PDE3A: variants seen among roughly 807,000 people sequenced by gnomAD.
PDE3A encodes cGMP-inhibited 3',5'-cyclic phosphodiesterase 3A.
Under a neutral mutation model 98.3 loss-of-function variants are expected in PDE3A, and 43 were observed. The observed-to-expected ratio is 0.44, with a 90% CI of 0.34 to 0.56. The LOEUF (loss-of-function observed/expected upper bound fraction) is 0.56. Among genes scored for constraint, PDE3A ranks in the 20% least tolerant of loss-of-function variants. The pLI, the probability that PDE3A is intolerant of heterozygous loss-of-function variation, is 0.01. For synonymous variants in PDE3A, 663 were observed against 567.9 expected (o/e 1.17, Z -2.38); for missense variants, 1,427 against 1,440.7 (o/e 0.99, Z 0.15).
intron 15 of PDE3A, among the ~76,000 whole-genome samples, chr12:20,666,086 G>T: frequency 6.7e-6 from 1 of 149,566 alleles, no homozygotes; most frequent in East Asian, 2.0e-4. Context: ...TCCTGCCTCA[G>T]CCCCCCAAGT....
rs575835967 is a variant in PDE3A at position 20,498,629 on chromosome 12, T to C, written c.961-58031T>C. 7.9e-5 allele frequency among the ~76,000 whole-genome samples: 12 copies of C among 152,278 alleles called. No individual in the cohort carries two copies. The East Asian group carries it at 1.7e-3, about 22-fold the overall frequency. On this transcript the variant is annotated intron_variant, in intron 1 of 15. Transcript: ENST00000359062. Reference sequence around the variant, plus strand: ...ACAGGGTCCTGGAACCAATCTGCCATGGATATCAAGAGATGACTGTATTCT... The same window carrying C: ...ACAGGGTCCTGGAACCAATCTGCCACGGATATCAAGAGATGACTGTATTCT...
chr12:20,600,454 C>A (rs1288706555), intron 2 of PDE3A, among the ~76,000 whole-genome samples: 1 of 152,144 alleles, frequency 6.6e-6, no homozygotes, highest in African/African-American at 2.4e-5. Context: ...GAATATGGCT[C>A]ATATTCCTGC....
chr12:20,673,244 T>A (rs949708301), intron 15 of PDE3A, among the ~76,000 whole-genome samples: 1 of 151,842 alleles, frequency 6.6e-6, no homozygotes, highest in Admixed American at 6.6e-5. Context: ...ACTTTTACAC[T>A]GTTGGTGGGA....
In PDE3A at chr12:20,370,119, A is replaced by G. The variant is rs1368819125; in HGVS notation, c.835A>G (p.Thr279Ala). 1 of 1,613,280 alleles carries G rather than the reference A, an allele frequency of 6.2e-7. No homozygotes were observed. Among genetic ancestry groups the G allele is most frequent in the South Asian group, 1.1e-5 (1 of 91,056 alleles). ...EHLGSQLIAG[T>A]KEDIPVFKRR... ...TTTGGGGTCCCAGCTGATTGCTGGG[A>G]CCAAGGAAGATATCCCGGTGTTTAA... The change falls in exon 1 of 16, where the codon ACC becomes GCC. Residue 279 changes from threonine (T) to alanine (A), a missense_variant. Thr to Ala is a moderately conservative substitution (Grantham distance 58). This residue lies in a region of PDE3A where 1,012 missense variants were observed against 886.5 expected (regional missense o/e 1.14). Coordinates refer to ENST00000359062, the MANE Select transcript of PDE3A (RefSeq NM_000921.5).
Position 20,552,058 on chromosome 12 carries a change from A to C in PDE3A, c.961-4602A>C. On this transcript the variant is annotated intron_variant, in intron 1 of 15. Transcript: ENST00000359062. This position sits in a 1 kb window ranked among gnomAD's most constrained non-coding sequence, Gnocchi z 5.1. ...TGACGTGGACCATGGGAATTTTTTC[A>C]CATACACGGGTAGTGGTGGTCGAGA... The C allele has an allele frequency of 6.2e-7, 1 of 1,612,356 alleles. No homozygotes were observed. The highest frequency in any genetic ancestry group is 8.5e-7 in the Non-Finnish European group (1 of 1,179,894).
intron 15 of PDE3A, among the ~76,000 whole-genome samples, chr12:20,677,152 T>A (rs1945661669): frequency 6.6e-6 from 1 of 152,202 alleles, no homozygotes; most frequent in Admixed American, 6.5e-5. Flanking sequence ...ATTTTGTATT[T>A]CTTTCAATGA....
intron 1 of PDE3A, among the ~76,000 whole-genome samples, chr12:20,480,934 C>A (rs7132976): frequency 0.73 from 111,709 of 152,144 alleles, 41,417 homozygotes; most frequent in East Asian, 0.98. Context: ...AACTTGCTAG[C>A]GTTAACCAGT....
At position 20,650,468 on chromosome 12, in the gene PDE3A, T is replaced by C. The variant is rs2121517799; in HGVS notation, c.2793T>C (p.Asp931=). The change falls in exon 14 of 16, where the codon GAT becomes GAC. Residue 931 remains aspartate (D), a synonymous_variant. Coordinates refer to ENST00000359062, the MANE Select transcript of PDE3A (RefSeq NM_000921.5). The part of the protein sequence containing the change: ...NGKVNDDVGI[D]WTNENDRLLV... ...AGGTAAATGATGATGTTGGAATAGA[T>C]TGGACCAATGAAAATGATCGTCTAC... 1 of 1,610,166 alleles carries C rather than the reference T, an allele frequency of 6.2e-7. No homozygotes were observed. Among genetic ancestry groups the C allele is most frequent in the Non-Finnish European group, 8.5e-7 (1 of 1,177,136 alleles).
At chr12:20,608,391 T>C (rs201270361) in intron 2 of PDE3A, among the ~76,000 whole-genome samples, 13 of 148,324 alleles carry the variant, frequency 8.8e-5, no homozygotes, top group Admixed American at 1.4e-4. Context: ...ATTTTTTTTT[T>C]CCAATAGTAG....
At chr12:20,548,423 A>G (rs1592045029) in intron 1 of PDE3A, among the ~76,000 whole-genome samples, 1 of 152,028 alleles carries the variant, frequency 6.6e-6, no homozygotes, top group Non-Finnish European at 1.5e-5. Flanking sequence ...GGTATTTTTT[A>G]TAGATGGTGA....
At chr12:20,533,102 T>C (rs1265528341) in intron 1 of PDE3A, among the ~76,000 whole-genome samples, 2 of 152,222 alleles carry the variant, frequency 1.3e-5, no homozygotes, top group Admixed American at 6.5e-5. Flanking sequence ...ACTTCAACTA[T>C]ACTACTTGAC....
chr12:20,397,692 G>C (rs1459026035), intron 1 of PDE3A, among the ~76,000 whole-genome samples: 3 of 151,826 alleles, frequency 2.0e-5, no homozygotes, highest in African/African-American at 2.4e-5. Context: ...AAAAAAAATA[G>C]AGATATTCTT....
At chr12:20,607,534 CT>C (rs1490618297) in intron 2 of PDE3A, among the ~76,000 whole-genome samples, 1 of 151,934 alleles carries the variant, frequency 6.6e-6, no homozygotes, top group African/African-American at 2.4e-5. Flanking sequence ...TAAAACCGCA[CT>C]TTCCTCCACT....
rs1255982430 is a variant in PDE3A, at chr12:20,633,599, ATTG to A, written c.1761-88_1761-86del. The A allele has an allele frequency of 2.3e-5, 13 of 558,402 alleles. No homozygotes were observed. In the East Asian group the frequency reaches 3.7e-4, roughly 16 times the overall value. 34.6% of individuals were successfully genotyped at this position (558,402 alleles called of 1,614,324 possible). A position where few individuals can be genotyped will look rare whatever the true frequency, so the allele number is the denominator to read the frequency against. The stretch of plus-strand genomic sequence containing the variant: ...AAGCAGAAGGTAGAAATATTTGACT[ATTG>A]TTGTTTATCTTAATGTATACATAGA... On this transcript the variant is annotated intron_variant, in intron 6 of 15. Transcript: ENST00000359062.
intron 1 of PDE3A, among the ~76,000 whole-genome samples, chr12:20,381,469 T>C (rs1269781809): frequency 6.6e-6 from 1 of 151,798 alleles, no homozygotes; most frequent in East Asian, 1.9e-4. Flanking sequence ...TAGAACGCTT[T>C]ATGATTTGAA....
chr12:20,684,379 G>A lies in PDE3A; in HGVS notation c.*4108G>A. 6.6e-6 allele frequency: 1 copy of A among 152,044 alleles called. No homozygotes were observed. The highest frequency in any genetic ancestry group is 2.1e-4 in the South Asian group (1 of 4,832). The allele number at this position is 152,044 out of a possible 1,614,324, so 9.4% of individuals were successfully genotyped here. A position where few individuals can be genotyped will look rare whatever the true frequency, so the allele number is the denominator to read the frequency against. The stretch of plus-strand genomic sequence containing the variant: ...AAATAAACTTCCTTTCAAACTGTTA[G>A]AACGCTCCAATAAAACAAAGTTCTA... On this transcript the variant is annotated 3_prime_UTR_variant, in exon 16 of 16. Coordinates refer to ENST00000359062, the MANE Select transcript of PDE3A (RefSeq NM_000921.5).
intron 1 of PDE3A, among the ~76,000 whole-genome samples, chr12:20,482,592 T>C (rs1398746806): frequency 6.6e-6 from 1 of 152,206 alleles, no homozygotes; most frequent in Non-Finnish European, 1.5e-5. Flanking sequence ...TGGACAAAAT[T>C]GGAACTAAGT....
chr12:20,421,477 A>C (rs1200645689), intron 1 of PDE3A, among the ~76,000 whole-genome samples: 1 of 152,096 alleles, frequency 6.6e-6, no homozygotes, highest in Non-Finnish European at 1.5e-5. Context: ...CAGCGAAGTT[A>C]ATCTGTAGAA....
intron 15 of PDE3A, among the ~76,000 whole-genome samples, chr12:20,668,291 C>G (rs1592166209): frequency 6.6e-6 from 1 of 152,234 alleles, no homozygotes; most frequent in South Asian, 2.1e-4. Context: ...CGCCATTGCC[C>G]AGGCTTGATT....
Sources: allele counts gnomAD v4.1 joint callset (sites outside exome capture counted in the v4.1 genomes callset), GRCh38; gene constraint gnomAD v4.1.1; regional missense constraint gnomAD v4.1.1; non-coding constraint Gnocchi (gnomAD v3.1); transcripts MANE v1.5; gene names NCBI Gene and HGNC (gene_info 2026-07-23, HGNC 2026-07-21).